TMCC1: variants seen among roughly 807,000 people sequenced by gnomAD.
TMCC1 encodes transmembrane and coiled-coil domain family 1.
A neutral mutation model predicts 52.4 loss-of-function variants in TMCC1; 15 were observed. The observed-to-expected ratio is 0.29, with a 90% CI of 0.19 to 0.44. The LOEUF is 0.44. Among genes scored for constraint, TMCC1 ranks in the 20% least tolerant of loss-of-function variants. The probability of loss-of-function intolerance (pLI) is 1.00; values close to 1 mark genes in which losing one functional copy is unlikely to be tolerated. For synonymous variants in TMCC1, 279 were observed against 301.9 expected, an observed-to-expected ratio of 0.92 and a Z score of 0.79; for missense variants, 503 against 806.0, an observed-to-expected ratio of 0.62 and a Z score of 4.55.
intron 4 of TMCC1, among the ~76,000 whole-genome samples, chr3:129,734,900 C>T (rs899933095): frequency 5.5e-4 from 83 of 150,800 alleles, no homozygotes; most frequent in Admixed American, 3.6e-3. Flanking sequence ...TTTTTCTGTT[C>T]GAAATTTTTT....
chr3:129,772,551 T>TA (rs903459683), intron 4 of TMCC1, among the ~76,000 whole-genome samples: 79 of 142,784 alleles, frequency 5.5e-4, no homozygotes, highest in Middle Eastern at 3.6e-3. Context: ...CCGTCTCTAC[T>TA]AAAAAAAAAA....
chr3:129,888,928 C>A (rs1477174155), intron 1 of TMCC1, among the ~76,000 whole-genome samples: 1 of 152,082 alleles, frequency 6.6e-6, no homozygotes, highest in Admixed American at 6.6e-5. Context: ...ACATTCTTGG[C>A]CTAACCACAA....
intron 2 of TMCC1, among the ~76,000 whole-genome samples, chr3:129,875,675 T>C (rs377503378): frequency 4.6e-5 from 7 of 151,968 alleles, no homozygotes; most frequent in Admixed American, 1.3e-4. Context: ...GGCCAACAAA[T>C]ATGAAAGTAA....
rs1031930322 is a variant in TMCC1, at chr3:129,649,540, GT to G, written c.*1940del. The G allele has an allele frequency of 1.3e-5, 2 of 152,520 alleles. No homozygotes were observed. Among genetic ancestry groups the G allele is most frequent in the African/African-American group, 4.8e-5 (2 of 41,388 alleles). 9.4% of individuals were successfully genotyped at this position (152,520 alleles called of 1,614,324 possible). A position where few individuals can be genotyped will look rare whatever the true frequency, so the allele number is the denominator to read the frequency against. ...AGCTGAGGTTGGGGTGAAGACTGGAGTACCTGAGTTAAAATATCAAAGTAGT... is the reference window on the plus strand; with the variant it reads ...AGCTGAGGTTGGGGTGAAGACTGGAGACCTGAGTTAAAATATCAAAGTAGT... On this transcript the variant is annotated 3_prime_UTR_variant, in exon 7 of 7. Coordinates refer to ENST00000393238, the MANE Select transcript of TMCC1 (RefSeq NM_001017395.5).
At chr3:129,695,758 C>T (rs1293439645) in intron 4 of TMCC1, among the ~76,000 whole-genome samples, 1 of 152,100 alleles carries the variant, frequency 6.6e-6, no homozygotes, top group Non-Finnish European at 1.5e-5. Flanking sequence ...CTGACCCCTC[C>T]CAAATCTCAT....
At chr3:129,709,052 T>C (rs976987528) in intron 4 of TMCC1, among the ~76,000 whole-genome samples, 1 of 152,182 alleles carries the variant, frequency 6.6e-6, no homozygotes, top group African/African-American at 2.4e-5. Context: ...AGGCTGAAAT[T>C]TGTCTATTTT....
rs182972775 is a variant in TMCC1, at chr3:129,711,004, C to A, written c.577-39740G>T. Among the ~76,000 whole-genome samples the A allele has an allele frequency of 1.3e-3, 201 of 152,314 alleles. 4 individuals carry two copies. Among genetic ancestry groups the A allele is most frequent in the Non-Finnish European group, 8.4e-4 (57 of 68,034 alleles). On this transcript the variant is annotated intron_variant, in intron 4 of 6. Coordinates refer to ENST00000393238, the MANE Select transcript of TMCC1 (RefSeq NM_001017395.5). ...TCAGCCTCCAGAGTAGCTGGGATTA[C>A]AGGCGCCTGCCACCATGCCCGGCTA...
intron 4 of TMCC1, among the ~76,000 whole-genome samples, chr3:129,805,666 C>A (rs1560457604): frequency 6.6e-6 from 1 of 152,108 alleles, no homozygotes. Flanking sequence ...GACTGGGTGG[C>A]CCACTCCTGT....
At chr3:129,872,122 C>T (rs2060959268) in intron 2 of TMCC1, among the ~76,000 whole-genome samples, 1 of 152,208 alleles carries the variant, frequency 6.6e-6, no homozygotes. Context: ...TTATTTGTAA[C>T]AGCAAAAGTG....
intron 3 of TMCC1, among the ~76,000 whole-genome samples, chr3:129,830,988 G>A (rs1009006889): frequency 3.9e-5 from 6 of 152,048 alleles, no homozygotes; most frequent in Non-Finnish European, 8.8e-5. Context: ...AGGCTGGAGC[G>A]CAGTGGCACA....
intron 2 of TMCC1, among the ~76,000 whole-genome samples, chr3:129,834,966 T>TA (rs1473064747): frequency 6.6e-6 from 1 of 152,216 alleles, no homozygotes; most frequent in Admixed American, 6.5e-5. Context: ...GGGCTCCCTC[T>TA]AGACGGTTGT....
chr3:129,850,914 T>C (rs965228606), intron 2 of TMCC1, among the ~76,000 whole-genome samples: 9 of 152,256 alleles, frequency 5.9e-5, no homozygotes, highest in African/African-American at 1.7e-4. Context: ...GCTCATGCTA[T>C]TGTTTGTGGT....
At chr3:129,693,942 C>A (rs534609272) in intron 4 of TMCC1, among the ~76,000 whole-genome samples, 4 of 152,222 alleles carry the variant, frequency 2.6e-5, no homozygotes, top group Admixed American at 2.0e-4. Context: ...TAAATGAGAA[C>A]ATCACATTTG....
At chr3:129,842,392 G>A (rs1001983551) in intron 2 of TMCC1, among the ~76,000 whole-genome samples, 4 of 152,076 alleles carry the variant, frequency 2.6e-5, no homozygotes, top group Non-Finnish European at 2.9e-5. Flanking sequence ...CTGCAACTTG[G>A]GAGGTAGAAG....
chr3:129,835,877 A>G (rs1217075557), intron 2 of TMCC1, among the ~76,000 whole-genome samples: 1 of 152,254 alleles, frequency 6.6e-6, no homozygotes. Context: ...CAGAACAAAT[A>G]AAACATATTT....
chr3:129,660,268 C>T (rs2086936442), intron 5 of TMCC1, among the ~76,000 whole-genome samples: 1 of 152,166 alleles, frequency 6.6e-6, no homozygotes, highest in African/African-American at 2.4e-5. Context: ...CCACCTCAGC[C>T]TCCCAAGCAG....
intron 4 of TMCC1, among the ~76,000 whole-genome samples, chr3:129,783,475 T>G (rs1403628407): frequency 6.6e-6 from 1 of 152,068 alleles, no homozygotes; most frequent in East Asian, 1.9e-4. Context: ...ATACCCCTTA[T>G]TAAATGTGGT....
chr3:129,756,041 T>C (rs901174907), intron 4 of TMCC1, among the ~76,000 whole-genome samples: 3 of 145,964 alleles, frequency 2.1e-5, no homozygotes, highest in Non-Finnish European at 4.4e-5. Flanking sequence ...GAGGTTGCAG[T>C]GAGCCCAGAT....
At chr3:129,877,294 G>A (rs2061260645) in intron 2 of TMCC1, among the ~76,000 whole-genome samples, 1 of 152,104 alleles carries the variant, frequency 6.6e-6, no homozygotes, top group Non-Finnish European at 1.5e-5. Context: ...TGTAGTATTT[G>A]ACACAGTTGA....
Sources: allele counts gnomAD v4.1 joint callset (sites outside exome capture counted in the v4.1 genomes callset), GRCh38; gene constraint gnomAD v4.1.1; transcripts MANE v1.5; gene names NCBI Gene and HGNC (gene_info 2026-07-23, HGNC 2026-07-21).